KPNA7: variants seen among roughly 807,000 people sequenced by gnomAD.
KPNA7 encodes importin subunit alpha-8.
A neutral mutation model predicts 53.7 loss-of-function variants in KPNA7; 54 were observed. The ratio of observed to expected loss-of-function variants is 1.01; its 90% confidence interval spans 0.81 to 1.26. The LOEUF is 1.26. KPNA7 is among the 50% of genes most tolerant of loss of function. The probability of loss-of-function intolerance (pLI) is 0.00; values close to 1 mark genes in which losing one functional copy is unlikely to be tolerated. For synonymous variants in KPNA7, 276 were observed against 259.3 expected, an observed-to-expected ratio of 1.06 and a Z score of -0.62; for missense variants, 640 against 644.5, an observed-to-expected ratio of 0.99 and a Z score of 0.07.
At chr7:99,216,567 TC>T (rs745950144) in intron 1 of KPNA7, among the ~76,000 whole-genome samples, 25 of 7,746 alleles carry the variant, frequency 3.2e-3, no homozygotes, top group East Asian at 0.015. Flanking sequence ...ACCAACACCC[TC>T]TTTTTTTTTG....
intron 1 of KPNA7, among the ~76,000 whole-genome samples, chr7:99,215,147 G>A (rs1791183584): frequency 6.6e-6 from 1 of 151,934 alleles, no homozygotes; most frequent in Non-Finnish European, 1.5e-5. Flanking sequence ...GCTGAGGTGG[G>A]TGGATCACAA....
upstream of KPNA7, among the ~76,000 whole-genome samples, chr7:99,210,174 AC>A: frequency 6.6e-6 from 1 of 152,222 alleles, no homozygotes; most frequent in Non-Finnish European, 1.5e-5. Flanking sequence ...TGTGTTCTAG[AC>A]CCCTGGGCTT....
At chr7:99,156,938 C>A in the KPNA7 span, among the ~76,000 whole-genome samples, 3,166 of 150,798 alleles carry the variant, frequency 0.021, 51 homozygotes, top group Non-Finnish European at 0.031. Flanking sequence ...CCTGAATTGA[C>A]TTTTTTTCTT....
chr7:99,180,599 G>A (rs56072276), intron 9 of KPNA7, among the ~76,000 whole-genome samples: 66,870 of 125,306 alleles, frequency 0.53, 21,114 homozygotes, highest in East Asian at 0.7. Context: ...CCGTCTCTCC[G>A]TCTCTGTCTC....
At chr7:99,187,972 T>C (rs1789705019) in intron 7 of KPNA7, among the ~76,000 whole-genome samples, 1 of 151,056 alleles carries the variant, frequency 6.6e-6, no homozygotes. Context: ...GGTCAGGAGT[T>C]CGAGACTAGC....
intron 2 of KPNA7, among the ~76,000 whole-genome samples, chr7:99,205,913 A>T (rs13239596): frequency 0.073 from 11,138 of 152,224 alleles, 462 homozygotes; most frequent in South Asian, 0.15. Flanking sequence ...TGACCAAAGA[A>T]GCCGAGTGAA....
intron 7 of KPNA7, 32 bp downstream of exon 7, chr7:99,188,268 C>A (rs569828674): frequency 1.2e-4 from 186 of 1,538,380 alleles, no homozygotes; most frequent in Non-Finnish European, 1.6e-4. Context: ...GACCCGAGGA[C>A]TCGAATCCAC....
At chr7:99,200,889 T>A (rs1337246428) in intron 3 of KPNA7, among the ~76,000 whole-genome samples, 2 of 151,796 alleles carry the variant, frequency 1.3e-5, no homozygotes, top group Non-Finnish European at 2.9e-5. Context: ...AATGGCTTGA[T>A]CCCGGGAGAC....
upstream of KPNA7, among the ~76,000 whole-genome samples, chr7:99,209,205 C>T (rs931362582): frequency 1.3e-5 from 2 of 152,026 alleles, no homozygotes; most frequent in East Asian, 3.9e-4. Context: ...AGTTATAAAT[C>T]AGGCATATGT....
Position 99,203,220 on chromosome 7 carries a change from C to T in KPNA7, c.87G>A (p.Met29Ile). 6.4e-7 allele frequency: 1 copy of T among 1,551,676 alleles called. No homozygotes were observed. The highest frequency in any genetic ancestry group is 1.4e-5 in the African/African-American group (1 of 73,150). The change falls in exon 3 of 11, where the codon ATG (methionine) becomes ATA (isoleucine). Residue 29 changes from methionine (M) to isoleucine (I), a missense_variant. By Grantham distance (10) the Met-to-Ile change is conservative. Coordinates refer to ENST00000327442, the MANE Select transcript of KPNA7 (RefSeq NM_001145715.3). ...CCTTTCGGAGCTCCAGACTGACCGC[C>T]ATCCTCTGCTGTCGCCTCAGCTAGT... ...KDVSLRRQQRMAVSLELRKAK... is the reference protein window; with the variant it reads ...KDVSLRRQQRIAVSLELRKAK...
chr7:99,212,232 CCTTTTT>C (rs1377714563), upstream of KPNA7, among the ~76,000 whole-genome samples: 39 of 118,278 alleles, frequency 3.3e-4, no homozygotes, highest in African/African-American at 1.0e-3. Flanking sequence ...CCACATGTGT[CCTTTTT>C]TTTTTTTTTT....
chr7:99,155,526 T>C, the KPNA7 span, among the ~76,000 whole-genome samples: 2 of 152,122 alleles, frequency 1.3e-5, no homozygotes, highest in African/African-American at 2.4e-5. Flanking sequence ...CTCATTGCCT[T>C]ATCTTCCTTT....
chr7:99,211,454 G>A (rs189782095), upstream of KPNA7, among the ~76,000 whole-genome samples: 7 of 152,294 alleles, frequency 4.6e-5, no homozygotes, highest in Admixed American at 4.6e-4. Context: ...GACTGATGTT[G>A]TAAGAAGAGA....
intron 9 of KPNA7, among the ~76,000 whole-genome samples, chr7:99,178,323 C>T (rs184908061): frequency 4.6e-5 from 7 of 152,132 alleles, no homozygotes; most frequent in Admixed American, 2.0e-4. Context: ...TAATCCAACA[C>T]TTTGGGAGGC....
intron 3 of KPNA7, among the ~76,000 whole-genome samples, chr7:99,200,391 C>T (rs1790457018): frequency 6.6e-6 from 1 of 152,114 alleles, no homozygotes; most frequent in South Asian, 2.1e-4. Flanking sequence ...ATGCCAGGCC[C>T]ACCCAGATAA....
chr7:99,157,423 G>A, the KPNA7 span, among the ~76,000 whole-genome samples: 3 of 152,138 alleles, frequency 2.0e-5, no homozygotes, highest in Non-Finnish European at 2.9e-5. Flanking sequence ...TAGTCAGGCT[G>A]GTCTTGAACT....
the KPNA7 span, among the ~76,000 whole-genome samples, chr7:99,162,036 A>AAT: frequency 1.4e-5 from 2 of 143,720 alleles, no homozygotes; most frequent in Non-Finnish European, 3.0e-5. Flanking sequence ...CCAAGATTGC[A>AAT]ATTTTTTTTT....
At chr7:99,160,833 A>G in the KPNA7 span, among the ~76,000 whole-genome samples, 1,585 of 151,492 alleles carry the variant, frequency 0.01, 34 homozygotes, top group African/African-American at 0.036. Context: ...CTCCTCCCAC[A>G]TCCTACAAGG....
At chr7:99,196,258 C>T (rs1002809752) in intron 3 of KPNA7, 92 bp from the exon 4 acceptor site, 5 of 888,732 alleles carry the variant, frequency 5.6e-6, no homozygotes, top group South Asian at 3.0e-5. Context: ...ATTAAAACAG[C>T]CTGGCTTGAA....
Sources: gnomAD v4.1 joint callset for allele counts (sites outside exome capture counted in the v4.1 genomes callset) on GRCh38, gnomAD v4.1.1 for gene constraint, MANE v1.5 for transcripts, NCBI Gene and HGNC (gene_info 2026-07-23, HGNC 2026-07-21) for gene names.